LRBA: variants seen among roughly 807,000 people sequenced by gnomAD.
LRBA encodes the protein LPS responsive beige-like anchor protein.
In LRBA, 176 loss-of-function variants were observed where a neutral mutation model predicts 330.0. The observed-to-expected ratio is 0.53, with a 90% CI of 0.47 to 0.60. The LOEUF is 0.60. Among genes scored for constraint, LRBA ranks in the 20% least tolerant of loss-of-function variants. The pLI is 0.00. For missense variants in LRBA, 3,259 were observed against 3,444.8 expected, an observed-to-expected ratio of 0.95 and a Z score of 1.35; for synonymous variants, 1,230 against 1,193.0, an observed-to-expected ratio of 1.03 and a Z score of -0.64.
intron 47 of LRBA, among the ~76,000 whole-genome samples, chr4:150,369,615 T>A (rs914241635): frequency 6.6e-6 from 1 of 152,088 alleles, no homozygotes. Flanking sequence ...AAAATAATTA[T>A]AACAAAATGC....
chr4:150,575,469 T>C (rs1038739038), intron 40 of LRBA, among the ~76,000 whole-genome samples: 4 of 151,916 alleles, frequency 2.6e-5, no homozygotes, highest in African/African-American at 7.2e-5. Context: ...CATAATAATA[T>C]AGAGTGCTAC....
chr4:150,768,411 ATCT>A (rs1417762249), intron 34 of LRBA, among the ~76,000 whole-genome samples: 1 of 152,190 alleles, frequency 6.6e-6, no homozygotes, highest in Non-Finnish European at 1.5e-5. Flanking sequence ...AGAATCCCAC[ATCT>A]TCTCCCTATG....
In LRBA at chr4:150,609,848, TG is replaced by T. The variant is rs1229882489; in HGVS notation, c.5922-10718del. Reference sequence around the variant, plus strand: ...AATTCAAAGAAGCTGAAGATGGCATTGGGGGTAGGAGGTGGGTAGCAGGAGC... The same window carrying T: ...AATTCAAAGAAGCTGAAGATGGCATTGGGGTAGGAGGTGGGTAGCAGGAGC... On this transcript the variant is annotated intron_variant, in intron 37 of 56. Coordinates refer to ENST00000651943, the MANE Select transcript of LRBA (RefSeq NM_001364905.1). 4.6e-5 allele frequency among the ~76,000 whole-genome samples: 7 copies of T among 152,042 alleles called. No individual in the cohort carries two copies. In the East Asian group the frequency reaches 1.3e-3, roughly 29 times the overall value.
intron 22 of LRBA, among the ~76,000 whole-genome samples, chr4:150,865,098 A>G (rs1413399365): frequency 6.6e-6 from 1 of 152,128 alleles, no homozygotes; most frequent in East Asian, 1.9e-4. Flanking sequence ...CCTAACCTAT[A>G]ATCTCCCCTA....
At chr4:150,782,322 C>T (rs558295715) in intron 34 of LRBA, among the ~76,000 whole-genome samples, 1 of 152,214 alleles carries the variant, frequency 6.6e-6, no homozygotes, top group Non-Finnish European at 1.5e-5. Context: ...CTTGTAGCTG[C>T]TGTAACAAAT....
At chr4:150,521,974 G>C (rs1280715569) in intron 40 of LRBA, among the ~76,000 whole-genome samples, 1 of 152,042 alleles carries the variant, frequency 6.6e-6, no homozygotes, top group Non-Finnish European at 1.5e-5. Context: ...TTTCCCTTCA[G>C]TTTGCTTCAC....
At chr4:150,908,970 T>G (rs993067424) in intron 9 of LRBA, 113 bp from the exon 10 acceptor site, 2 of 669,702 alleles carry the variant, frequency 3.0e-6, no homozygotes, top group African/African-American at 3.6e-5. Flanking sequence ...TTTAACAGTA[T>G]TATATAAGAG....
At chr4:150,891,117 G>C (rs1729414963) in intron 17 of LRBA, among the ~76,000 whole-genome samples, 1 of 152,206 alleles carries the variant, frequency 6.6e-6, no homozygotes, top group Non-Finnish European at 1.5e-5. Flanking sequence ...TGTGTACAAA[G>C]AAACAAACAA....
At chr4:150,949,905 T>C (rs2149541157) in intron 2 of LRBA, among the ~76,000 whole-genome samples, 3 of 152,198 alleles carry the variant, frequency 2.0e-5, no homozygotes, top group Middle Eastern at 6.8e-3. Context: ...GTTTGCCATA[T>C]ACTATACAAA....
intron 22 of LRBA, among the ~76,000 whole-genome samples, chr4:150,853,657 G>C (rs1293543083): frequency 6.6e-6 from 1 of 151,956 alleles, no homozygotes; most frequent in Non-Finnish European, 1.5e-5. Context: ...TACCCAAATG[G>C]GAAAAAACTG....
At chr4:150,481,943 TAA>T (rs1477376856) in intron 42 of LRBA, among the ~76,000 whole-genome samples, 1 of 152,154 alleles carries the variant, frequency 6.6e-6, no homozygotes, top group Non-Finnish European at 1.5e-5. Context: ...GATAAATGCC[TAA>T]GAGTGGAATT....
chr4:150,330,027 G>A (rs1241750770), intron 48 of LRBA, among the ~76,000 whole-genome samples: 1 of 151,976 alleles, frequency 6.6e-6, no homozygotes, highest in South Asian at 2.1e-4. Context: ...TCCCAAACTC[G>A]CCTTTATGCA....
At chr4:150,937,107 G>T (rs556468469) in intron 2 of LRBA, among the ~76,000 whole-genome samples, 56 of 151,972 alleles carry the variant, frequency 3.7e-4, no homozygotes, top group Non-Finnish European at 5.7e-4. Flanking sequence ...ATCCAGACAG[G>T]TGTTTTAAAT....
chr4:150,815,160 T>C (rs772056409), intron 31 of LRBA, among the ~76,000 whole-genome samples: 4 of 151,992 alleles, frequency 2.6e-5, no homozygotes, highest in Non-Finnish European at 5.9e-5. Context: ...AAAAATTTAC[T>C]ATACCTGAAT....
At chr4:150,513,106 T>C (rs939920167) in intron 40 of LRBA, among the ~76,000 whole-genome samples, 1 of 152,190 alleles carries the variant, frequency 6.6e-6, no homozygotes, top group African/African-American at 2.4e-5. Context: ...AAAGACAGAA[T>C]ACATTGAATG....
intron 17 of LRBA, among the ~76,000 whole-genome samples, chr4:150,891,485 A>C (rs1184135611): frequency 6.6e-6 from 1 of 152,218 alleles, no homozygotes; most frequent in African/African-American, 2.4e-5. Context: ...ACATTTAAAT[A>C]AGCAGATTTT....
chr4:150,893,753 G>A (rs1212254168), intron 16 of LRBA, among the ~76,000 whole-genome samples: 3 of 152,034 alleles, frequency 2.0e-5, no homozygotes, highest in Admixed American at 6.6e-5. Context: ...TCGGCTCACT[G>A]CAAGCTCTGC....
intron 33 of LRBA, among the ~76,000 whole-genome samples, chr4:150,802,222 A>G (rs1041238547): frequency 1.3e-5 from 2 of 148,730 alleles, no homozygotes; most frequent in African/African-American, 4.9e-5. Context: ...TCAGTCTCAA[A>G]AAAAAAAAAA....
chr4:150,287,786 C>T (rs1232686812), intron 53 of LRBA, among the ~76,000 whole-genome samples: 2 of 152,106 alleles, frequency 1.3e-5, no homozygotes, highest in Non-Finnish European at 2.9e-5. Flanking sequence ...CAAGGGGCTT[C>T]GTTTCATTTG....
Sources: allele counts gnomAD v4.1 joint callset (sites outside exome capture counted in the v4.1 genomes callset), GRCh38; gene constraint gnomAD v4.1.1; transcripts MANE v1.5; gene names NCBI Gene and HGNC (gene_info 2026-07-23, HGNC 2026-07-21).